Variants in RBMS3 observed in about 807,000 individuals in gnomAD.
RBMS3 encodes the protein RNA-binding motif, single-stranded-interacting protein 3.
In RBMS3, 27 loss-of-function variants were observed where a neutral mutation model predicts 66.8. The ratio of observed to expected loss-of-function variants is 0.40; its 90% CI spans 0.30 to 0.56. The LOEUF is 0.56. RBMS3 is among the 20% of genes least tolerant of loss of function. The pLI, the probability that RBMS3 is intolerant of heterozygous loss-of-function variation, is 0.40. For missense variants in RBMS3, 513 were observed against 549.5 expected (o/e 0.93, Z 0.66); for synonymous variants, 188 against 183.0 (o/e 1.03, Z -0.22).
At chr3:29,695,083 C>T (rs1359738626) in intron 4 of RBMS3, among the ~76,000 whole-genome samples, 1 of 152,090 alleles carries the variant, frequency 6.6e-6, no homozygotes, top group East Asian at 1.9e-4. Flanking sequence ...TTAAACAACA[C>T]TTTTGCTCAA....
chr3:29,661,438 A>G (rs901409732), intron 4 of RBMS3, among the ~76,000 whole-genome samples: 2 of 152,190 alleles, frequency 1.3e-5, no homozygotes, highest in African/African-American at 4.8e-5. Context: ...TTAAGTTTGT[A>G]TAGTATTTTT....
At chr3:29,337,146 G>C (rs557912503) in intron 1 of RBMS3, among the ~76,000 whole-genome samples, 71 of 151,964 alleles carry the variant, frequency 4.7e-4, no homozygotes, top group Non-Finnish European at 8.5e-4. Context: ...CTTTAAAGTT[G>C]GTGCTCATTT....
At chr3:29,425,041 C>G (rs1287815922) in intron 1 of RBMS3, among the ~76,000 whole-genome samples, 2 of 151,880 alleles carry the variant, frequency 1.3e-5, no homozygotes, top group East Asian at 3.9e-4. Context: ...GGAGGGTGTA[C>G]ATTTTAAAAA....
chr3:29,691,556 C>T (rs1437366643), intron 4 of RBMS3, among the ~76,000 whole-genome samples: 2 of 152,136 alleles, frequency 1.3e-5, no homozygotes, highest in Admixed American at 6.5e-5. Context: ...CATTTCTACT[C>T]ATCTTAGAAA....
chr3:29,981,297 T>C (rs2149782823), intron 12 of RBMS3, among the ~76,000 whole-genome samples: 1 of 152,340 alleles, frequency 6.6e-6, no homozygotes, highest in East Asian at 1.9e-4. Flanking sequence ...GAGACTGTGC[T>C]GAAGTTGCTC....
intron 4 of RBMS3, among the ~76,000 whole-genome samples, chr3:29,646,057 C>G (rs989403494): frequency 2.6e-5 from 4 of 152,176 alleles, no homozygotes; most frequent in Non-Finnish European, 4.4e-5. Flanking sequence ...TCGATGTTCC[C>G]TTTAATCTAT....
intron 3 of RBMS3, among the ~76,000 whole-genome samples, chr3:29,493,005 T>C (rs2043607415): frequency 6.6e-6 from 1 of 152,200 alleles, no homozygotes; most frequent in South Asian, 2.1e-4. Context: ...AGTTAGTCTG[T>C]TGAGAATATT....
intron 3 of RBMS3, among the ~76,000 whole-genome samples, chr3:29,548,158 C>T (rs2046038254): frequency 1.3e-5 from 2 of 152,006 alleles, no homozygotes; most frequent in South Asian, 2.1e-4. Flanking sequence ...GGTGACCAGG[C>T]ACCGTGGCCT....
chr3:29,885,357 T>C (rs2059845756), intron 8 of RBMS3, among the ~76,000 whole-genome samples: 1 of 151,896 alleles, frequency 6.6e-6, no homozygotes, highest in African/African-American at 2.4e-5. Context: ...ATTTACTTAT[T>C]TCCAACAAAA....
intron 1 of RBMS3, among the ~76,000 whole-genome samples, chr3:29,367,309 A>G (rs933527735): frequency 3.3e-5 from 5 of 152,172 alleles, no homozygotes; most frequent in Non-Finnish European, 7.4e-5. Context: ...GCTAAAACAT[A>G]TATTCAAAAA....
chr3:29,576,894 C>T (rs747180538), intron 3 of RBMS3, among the ~76,000 whole-genome samples: 6 of 152,196 alleles, frequency 3.9e-5, no homozygotes, highest in Non-Finnish European at 5.9e-5. Context: ...TCTCCTCTGG[C>T]CCAGGGCAGG....
chr3:29,564,485 TAA>T lies in RBMS3; in HGVS notation c.308-22612_308-22611del, dbSNP rs201649263. ...TGGGCGACAAGAGCAAAAAGTTCAT[TAA>T]AAAAAAAAAAAAAAAATTTAGTTCT... On this transcript the variant is annotated intron_variant, in intron 3 of 14. Coordinates refer to ENST00000383767, the MANE Select transcript of RBMS3 (RefSeq NM_001003793.3). 6.0e-4 allele frequency among the ~76,000 whole-genome samples: 79 copies of T among 130,632 alleles called. No homozygotes were observed. The East Asian group carries it at 7.1e-3, about 12-fold the overall frequency. 85.7% of individuals were successfully genotyped at this position (130,632 alleles called of 152,430 possible).
intron 1 of RBMS3, among the ~76,000 whole-genome samples, chr3:29,406,115 G>C (rs915173558): frequency 6.6e-6 from 1 of 152,264 alleles, no homozygotes; most frequent in African/African-American, 2.4e-5. Context: ...TTTGCCTAGA[G>C]GCAAATTAAA....
chr3:29,476,842 A>G (rs984366640), intron 2 of RBMS3, among the ~76,000 whole-genome samples: 3 of 152,174 alleles, frequency 2.0e-5, no homozygotes, highest in African/African-American at 7.2e-5. Flanking sequence ...GAATCTTTAA[A>G]TGAAGCATGC....
At chr3:29,383,761 AT>A (rs1272505475) in intron 1 of RBMS3, among the ~76,000 whole-genome samples, 2 of 152,258 alleles carry the variant, frequency 1.3e-5, no homozygotes, top group East Asian at 3.9e-4. Context: ...CCAGGTTCAA[AT>A]TTTTGCTCTT....
intron 4 of RBMS3, among the ~76,000 whole-genome samples, chr3:29,599,040 A>G (rs2048058324): frequency 6.6e-6 from 1 of 152,024 alleles, no homozygotes; most frequent in African/African-American, 2.4e-5. Flanking sequence ...AGAAAATCAA[A>G]TTAATGTCTT....
chr3:29,679,563 A>C (rs941455895), intron 4 of RBMS3, among the ~76,000 whole-genome samples: 9 of 152,070 alleles, frequency 5.9e-5, no homozygotes, highest in African/African-American at 2.2e-4. Flanking sequence ...TTGTACAAGG[A>C]AATTAAAAAG....
intron 1 of RBMS3, among the ~76,000 whole-genome samples, chr3:29,288,986 T>A (rs2032594834): frequency 6.6e-6 from 1 of 152,008 alleles, no homozygotes; most frequent in South Asian, 2.1e-4. Context: ...GCAAATGACA[T>A]ATGCTATTTT....
chr3:29,532,486 TG>T (rs1249627024), intron 3 of RBMS3, among the ~76,000 whole-genome samples: 4 of 151,792 alleles, frequency 2.6e-5, no homozygotes, highest in African/African-American at 9.7e-5. Flanking sequence ...AAATTTTGAT[TG>T]GAAAAAGTTT....
Sources: gnomAD v4.1 joint callset for allele counts (sites outside exome capture counted in the v4.1 genomes callset) on GRCh38, gnomAD v4.1.1 for gene constraint, MANE v1.5 for transcripts, NCBI Gene and HGNC (gene_info 2026-07-23, HGNC 2026-07-21) for gene names.